The following LRFN5 variants were observed in gnomAD, a reference collection of about 807,000 sequenced individuals.
LRFN5 encodes leucine rich repeat and fibronectin type III domain containing 5, also known as leucine-rich repeat and fibronectin type-III domain-containing protein 5.
A neutral mutation model predicts 45.6 loss-of-function variants in LRFN5; 24 were observed. That is an observed-to-expected ratio of 0.53 (90% confidence interval 0.38 to 0.74). LRFN5 has a LOEUF of 0.74. Ranked by LOEUF, LRFN5 falls within the 30% of genes least tolerant of loss-of-function variation. LRFN5 has a pLI of 0.00. For synonymous variants in LRFN5, 340 were observed against 313.8 expected, an observed-to-expected ratio of 1.08 and a Z score of -0.88; for missense variants, 776 against 861.5, an observed-to-expected ratio of 0.90 and a Z score of 1.24.
chr14:41,706,913 TC>T (rs1304625921), intron 1 of LRFN5, among the ~76,000 whole-genome samples: 1 of 152,150 alleles, frequency 6.6e-6, no homozygotes, highest in Non-Finnish European at 1.5e-5. Context: ...CAGTCTGTGT[TC>T]TGTTGTGCTT....
At chr14:41,705,401 T>C (rs899845535) in intron 1 of LRFN5, among the ~76,000 whole-genome samples, 3 of 152,178 alleles carry the variant, frequency 2.0e-5, no homozygotes, top group Non-Finnish European at 1.5e-5. Context: ...ATATTACAAT[T>C]TGAAATTAAG....
chr14:41,879,300 TA>T (rs1393252742), intron 2 of LRFN5, among the ~76,000 whole-genome samples: 1 of 152,030 alleles, frequency 6.6e-6, no homozygotes, highest in Non-Finnish European at 1.5e-5. Context: ...TTTTATATAT[TA>T]TTCTTCCTTT....
intron 1 of LRFN5, among the ~76,000 whole-genome samples, chr14:41,658,503 A>G (rs1880481330): frequency 6.6e-6 from 1 of 151,962 alleles, no homozygotes; most frequent in Admixed American, 6.6e-5. Flanking sequence ...ATATTTTTCA[A>G]GTTATTTTTC....
At chr14:41,669,363 C>T (rs1021892105) in intron 1 of LRFN5, among the ~76,000 whole-genome samples, 47 of 151,560 alleles carry the variant, frequency 3.1e-4, no homozygotes, top group Admixed American at 3.1e-3. Context: ...GAAAATATGA[C>T]TAAGATTTTC....
chr14:41,817,174 T>G (rs1446155718), intron 2 of LRFN5, among the ~76,000 whole-genome samples: 1 of 152,122 alleles, frequency 6.6e-6, no homozygotes, highest in African/African-American at 2.4e-5. Flanking sequence ...ATTGTCTCTG[T>G]TCTTGCATGT....
intron 1 of LRFN5, among the ~76,000 whole-genome samples, chr14:41,726,944 T>G (rs1883961300): frequency 6.6e-6 from 1 of 152,232 alleles, no homozygotes; most frequent in Admixed American, 6.5e-5. Context: ...TACTTTCAGT[T>G]TCTTTACCAG....
chr14:41,750,867 C>T (rs1334917635), intron 1 of LRFN5, among the ~76,000 whole-genome samples: 1 of 151,960 alleles, frequency 6.6e-6, no homozygotes, highest in African/African-American at 2.4e-5. Context: ...TACACGTGCA[C>T]AACGTGCAGT....
At chr14:41,848,042 G>A (rs1889128895) in intron 2 of LRFN5, among the ~76,000 whole-genome samples, 1 of 152,002 alleles carries the variant, frequency 6.6e-6, no homozygotes, top group South Asian at 2.1e-4. Flanking sequence ...ATTTGCCCAG[G>A]GGCAGATGCT....
intron 1 of LRFN5, among the ~76,000 whole-genome samples, chr14:41,751,724 A>ATC (rs1885141029): frequency 6.6e-6 from 1 of 152,126 alleles, no homozygotes; most frequent in Admixed American, 6.6e-5. Context: ...CAGAATCCTT[A>ATC]GGACCAATCT....
At chr14:41,751,770 T>C (rs1885143663) in intron 1 of LRFN5, among the ~76,000 whole-genome samples, 1 of 152,178 alleles carries the variant, frequency 6.6e-6, no homozygotes, top group Admixed American at 6.5e-5. Context: ...AATGTCATTT[T>C]TTTAAAATTA....
intron 1 of LRFN5, among the ~76,000 whole-genome samples, chr14:41,611,601 C>G (rs539756803): frequency 3.0e-4 from 46 of 152,310 alleles, no homozygotes; most frequent in Non-Finnish European, 5.4e-4. Flanking sequence ...TCACTTGATT[C>G]TTGTACCTCG....
intron 2 of LRFN5, among the ~76,000 whole-genome samples, chr14:41,824,889 C>T (rs950255067): frequency 6.6e-6 from 1 of 152,126 alleles, no homozygotes; most frequent in Non-Finnish European, 1.5e-5. Context: ...ACTGCACTAG[C>T]TCCAAGTCCC....
In LRFN5 at chr14:41,887,296, C is replaced by T. The variant is rs759716621; in HGVS notation, c.671C>T (p.Thr224Ile). Residue 224 changes from threonine (T) to isoleucine (I), a missense_variant, in exon 3 of 6, where the codon ACC becomes ATC. By Grantham distance (89) the Thr-to-Ile change is moderately conservative. Around this residue, in one of 2 missense-constraint regions of LRFN5, gnomAD observed 311 missense variants for 405.1 expected, o/e 0.77. Transcript: ENST00000298119. This position sits in a 1 kb window ranked among gnomAD's most constrained non-coding sequence, Gnocchi z 4.8. ...PLFQRAQVLATSGIISPSTFA... is the reference protein window; with the variant it reads ...PLFQRAQVLAISGIISPSTFA... ...TTTCAGCGAGCTCAGGTACTAGCAA[C>T]CTCAGGAATCATAAGCCCATCTACT... The T allele has an allele frequency of 5.0e-6, 8 of 1,614,178 alleles. No individual in the cohort carries two copies. Among genetic ancestry groups the T allele is most frequent in the Non-Finnish European group, 5.9e-6 (7 of 1,180,042 alleles).
intron 2 of LRFN5, among the ~76,000 whole-genome samples, chr14:41,864,927 A>G (rs1166734798): frequency 6.6e-6 from 1 of 151,796 alleles, no homozygotes. Context: ...ATATATTCTT[A>G]ATTTATTACA....
chr14:41,655,253 T>G (rs572677416), intron 1 of LRFN5, among the ~76,000 whole-genome samples: 1 of 152,086 alleles, frequency 6.6e-6, no homozygotes, highest in South Asian at 2.1e-4. Context: ...GAAAAATGAA[T>G]CTGGATCAGA....
chr14:41,679,332 G>A (rs1215479438), intron 1 of LRFN5, among the ~76,000 whole-genome samples: 2 of 152,060 alleles, frequency 1.3e-5, no homozygotes, highest in Non-Finnish European at 2.9e-5. Context: ...ACAGCTAGCA[G>A]CTCTGTGAGA....
intron 2 of LRFN5, among the ~76,000 whole-genome samples, chr14:41,878,499 GTAA>G (rs1890263930): frequency 6.6e-6 from 1 of 152,120 alleles, no homozygotes; most frequent in South Asian, 2.1e-4. Context: ...CATATGTTAT[GTAA>G]TAGCCGTGAC....
At chr14:41,694,703 CTG>C (rs1322999627) in intron 1 of LRFN5, among the ~76,000 whole-genome samples, 1 of 151,874 alleles carries the variant, frequency 6.6e-6, no homozygotes, top group Non-Finnish European at 1.5e-5. Flanking sequence ...CTTCATGTCT[CTG>C]TGTCACATTT....
intron 1 of LRFN5, among the ~76,000 whole-genome samples, chr14:41,673,939 C>T (rs1313136508): frequency 8.4e-5 from 12 of 142,080 alleles, no homozygotes; most frequent in East Asian, 4.5e-4. Flanking sequence ...GCTGGCTGGG[C>T]GGGGGGCTGA....
Sources: gnomAD v4.1 joint callset for allele counts (sites outside exome capture counted in the v4.1 genomes callset) on GRCh38, gnomAD v4.1.1 for gene constraint, gnomAD v4.1.1 regional missense constraint, Gnocchi (gnomAD v3.1) non-coding constraint, MANE v1.5 for transcripts, NCBI Gene and HGNC (gene_info 2026-07-23, HGNC 2026-07-21) for gene names.